Variants in KLHL20 observed in about 807,000 individuals in gnomAD.
KLHL20 encodes kelch like family member 20.
In KLHL20, 29 loss-of-function variants were observed where a neutral mutation model predicts 69.5. That is an observed-to-expected ratio of 0.42 (90% CI 0.31 to 0.57). The LOEUF (loss-of-function observed/expected upper bound fraction) is 0.57. Among genes scored for constraint, KLHL20 ranks in the 20% least tolerant of loss-of-function variants. The pLI is 0.18. For synonymous variants in KLHL20, 253 were observed against 265.2 expected, an observed-to-expected ratio of 0.95 and a Z score of 0.45; for missense variants, 419 against 776.0, an observed-to-expected ratio of 0.54 and a Z score of 5.47.
chr1:173,754,017 A>G (rs1338378054), intron 5 of KLHL20, among the ~76,000 whole-genome samples: 1 of 152,142 alleles, frequency 6.6e-6, no homozygotes, highest in Non-Finnish European at 1.5e-5. Context: ...TGAAAGAGAA[A>G]ATCCATACTC....
chr1:173,775,961 C>T, intron 10 of KLHL20, 119 bp downstream of exon 10: 2 of 792,798 alleles, frequency 2.5e-6, no homozygotes. Flanking sequence ...GGGTATATAC[C>T]TAGCAGTAAG....
intron 2 of KLHL20, among the ~76,000 whole-genome samples, chr1:173,730,764 A>T (rs1453875611): frequency 6.6e-6 from 1 of 152,166 alleles, no homozygotes; most frequent in African/African-American, 2.4e-5. Flanking sequence ...AACCATAAAA[A>T]CCCTAGAAGA....
At chr1:173,774,842 G>A (rs1301580687) in intron 9 of KLHL20, among the ~76,000 whole-genome samples, 1 of 152,020 alleles carries the variant, frequency 6.6e-6, no homozygotes, top group Non-Finnish European at 1.5e-5. Flanking sequence ...ACAGGGTCTC[G>A]CTCTGTCACC....
intron 2 of KLHL20, among the ~76,000 whole-genome samples, chr1:173,730,708 C>G (rs985895979): frequency 1.3e-5 from 2 of 152,186 alleles, no homozygotes; most frequent in African/African-American, 2.4e-5. Context: ...ACACCTTATA[C>G]AAAAATTAAT....
Position 173,756,965 on chromosome 1 carries a change from T to TA in KLHL20, c.968-10dup, listed in dbSNP as rs1470197359. 1 of 1,612,084 alleles carries TA rather than the reference T, an allele frequency of 6.2e-7. No homozygotes were observed. Among genetic ancestry groups the TA allele is most frequent in the East Asian group, 2.2e-5 (1 of 44,820 alleles). On this transcript the variant is annotated splice_polypyrimidine_tract_variant and intron_variant, in intron 6 of 11. Transcript: ENST00000209884. ...ATAGGATTCTCTTGACCATTTCTGTTACTTCCCCAGTTGGTGGTTGGTGCA... is the reference window on the plus strand; with the variant it reads ...ATAGGATTCTCTTGACCATTTCTGTTAACTTCCCCAGTTGGTGGTTGGTGCA...
chr1:173,753,207 T>C lies in KLHL20; in HGVS notation c.757-6T>C. The C allele has an allele frequency of 6.2e-7, 1 of 1,610,892 alleles. No homozygotes were observed. Among genetic ancestry groups the C allele is most frequent in the South Asian group, 1.1e-5 (1 of 90,988 alleles). On this transcript the variant is annotated splice_polypyrimidine_tract_variant and splice_region_variant and intron_variant, in intron 4 of 11. Coordinates refer to ENST00000209884, the MANE Select transcript of KLHL20 (RefSeq NM_014458.4). Reference sequence around the variant, plus strand: ...AATTAAAATAATGGTGTTTATTTTCTCATAGGTGCTGCAGCATGTTCGTTT... The same window carrying C: ...AATTAAAATAATGGTGTTTATTTTCCCATAGGTGCTGCAGCATGTTCGTTT...
rs189315167 is a variant in KLHL20 at position 173,748,917 on chromosome 1, C to T, written c.598-2847C>T. Among the ~76,000 whole-genome samples the T allele has an allele frequency of 6.6e-4, 101 of 152,064 alleles. 1 individual carries two copies. Among genetic ancestry groups the T allele is most frequent in the Admixed American group, 3.1e-3 (47 of 15,272 alleles). On this transcript the variant is annotated intron_variant, in intron 3 of 11. Transcript: ENST00000209884. ...AATGTCTTGCTCTAACTATAAGTTG[C>T]GTTTCAGATCTAAGATATTCACAAA... is the stretch of plus-strand genomic sequence containing the variant.
chr1:173,739,164 C>T (rs1295252382), intron 3 of KLHL20, among the ~76,000 whole-genome samples: 5 of 152,088 alleles, frequency 3.3e-5, no homozygotes, highest in Admixed American at 2.6e-4. Flanking sequence ...CCTCCACCTC[C>T]CACATTCAAG....
rs144718198 is a variant in KLHL20, at chr1:173,764,144, C to G, written c.1152-2002C>G. 1.4e-4 allele frequency among the ~76,000 whole-genome samples: 22 copies of G among 152,256 alleles called. 1 individual carries two copies. The highest frequency in any genetic ancestry group is 5.1e-4 in the African/African-American group (21 of 41,548). On this transcript the variant is annotated intron_variant, in intron 7 of 11. Transcript: ENST00000209884. ...AAAAAATGCTCAACATCACAATGAT[C>G]AGGGAAATGCAAATGAAAACCACAA... is the stretch of plus-strand genomic sequence containing the variant.
rs761659159 is a variant in KLHL20 at position 173,733,890 on chromosome 1, A to G, written c.201A>G (p.Leu67=). ...ACCTTCTGAGAAAGCACCGGGAGCT[A>G]TGTGATGTGGTGCTAGTTGTGGGCG... The part of the protein sequence containing the change: ...VINLLRKHRE[L]CDVVLVVGAK... Residue 67 remains leucine, a synonymous_variant, in exon 3 of 12, where the codon CTA becomes CTG. Coordinates refer to ENST00000209884, the MANE Select transcript of KLHL20 (RefSeq NM_014458.4). 14 of 1,614,024 alleles carry G rather than the reference A, an allele frequency of 8.7e-6. No homozygotes were observed. Among genetic ancestry groups the G allele is most frequent in the Non-Finnish European group, 1.1e-5 (13 of 1,180,018 alleles).
At chr1:173,784,077 T>TCAAAA (rs1374559568) in intron 11 of KLHL20, among the ~76,000 whole-genome samples, 5 of 152,010 alleles carry the variant, frequency 3.3e-5, no homozygotes, top group African/African-American at 9.7e-5. Context: ...AGACTCCGTC[T>TCAAAA]CAAAACAAAA....
At chr1:173,715,455 T>G (rs1671425680) in intron 1 of KLHL20, 1 of 152,372 alleles carries the variant, frequency 6.6e-6, no homozygotes, top group East Asian at 1.9e-4. Flanking sequence ...GAACATTGTA[T>G]CGGGGACTGA....
intron 3 of KLHL20, among the ~76,000 whole-genome samples, chr1:173,736,973 A>G (rs1046525881): frequency 1.3e-5 from 2 of 152,142 alleles, no homozygotes; most frequent in African/African-American, 4.8e-5. Context: ...TTTGCTGATC[A>G]TTAGTGATGT....
At chr1:173,776,843 T>G (rs937519761) in intron 10 of KLHL20, among the ~76,000 whole-genome samples, 4 of 152,226 alleles carry the variant, frequency 2.6e-5, no homozygotes, top group Non-Finnish European at 5.9e-5. Context: ...TAATTTGAAG[T>G]CAGATAATGT....
At chr1:173,769,041 G>C (rs1383530743) in intron 8 of KLHL20, among the ~76,000 whole-genome samples, 3 of 152,194 alleles carry the variant, frequency 2.0e-5, no homozygotes, top group Non-Finnish European at 2.9e-5. Context: ...CTGCCATAGA[G>C]TGTAAGTGCA....
intron 10 of KLHL20, among the ~76,000 whole-genome samples, chr1:173,777,746 T>C (rs1648566048): frequency 6.6e-6 from 1 of 152,258 alleles, no homozygotes; most frequent in South Asian, 2.1e-4. Context: ...CATTCTTGCA[T>C]CCCTGGGATA....
chr1:173,766,641 A>G (rs1012760861), intron 8 of KLHL20, among the ~76,000 whole-genome samples: 2 of 142,506 alleles, frequency 1.4e-5, no homozygotes, highest in African/African-American at 6.0e-5. Context: ...ACCCTGTATC[A>G]AGGGGGAAAA....
chr1:173,757,191 A>G, intron 7 of KLHL20, 32 bp downstream of exon 7: 1 of 1,541,722 alleles, frequency 6.5e-7, no homozygotes, highest in Non-Finnish European at 8.8e-7. Flanking sequence ...TTTTCTCTCT[A>G]CTATTCATAT....
chr1:173,753,293 T>C lies in KLHL20; in HGVS notation c.837T>C (p.Ser279=). The C allele has an allele frequency of 1.2e-6, 2 of 1,613,602 alleles. No homozygotes were observed. The highest frequency in any genetic ancestry group is 1.7e-6 in the Non-Finnish European group (2 of 1,179,534). The change falls in exon 5 of 12, where the codon AGT becomes AGC. Residue 279 remains serine, a synonymous_variant. Transcript: ENST00000209884. ...GTVGSDPLIK[S]DEECRDLVDE... is the part of the protein sequence containing the mutation. ...TAGGCTCTGATCCCCTCATCAAAAGTGATGAAGAATGCAGGTATGAGTGAC... is the reference window on the plus strand; with the variant it reads ...TAGGCTCTGATCCCCTCATCAAAAGCGATGAAGAATGCAGGTATGAGTGAC...
Sources: gnomAD v4.1 joint callset for allele counts (sites outside exome capture counted in the v4.1 genomes callset) on GRCh38, gnomAD v4.1.1 for gene constraint, MANE v1.5 for transcripts, NCBI Gene and HGNC (gene_info 2026-07-23, HGNC 2026-07-21) for gene names.